Variants in GLDC observed in about 807,000 individuals in gnomAD.
GLDC encodes the protein glycine dehydrogenase (decarboxylating), mitochondrial.
In GLDC, 104 loss-of-function variants were observed where a neutral mutation model predicts 121.3. The observed-to-expected ratio is 0.86, with a 90% CI of 0.73 to 1.01. The LOEUF is 1.01. Among genes scored for constraint, GLDC ranks in the 50% least tolerant of loss-of-function variants. The pLI is 0.00. For synonymous variants in GLDC, 546 were observed against 480.6 expected (o/e 1.14, Z -1.78); for missense variants, 1,429 against 1,306.6 (o/e 1.09, Z -1.44).
chr9:6,613,308 T>G (rs556081099), intron 3 of GLDC, among the ~76,000 whole-genome samples: 29 of 152,282 alleles, frequency 1.9e-4, no homozygotes, highest in Admixed American at 3.3e-4. Flanking sequence ...CCAATCTCTT[T>G]TCTACATCAT....
At chr9:6,535,999 A>G in intron 23 of GLDC, 65 bp downstream of exon 23, 1 of 1,345,038 alleles carries the variant, frequency 7.4e-7, no homozygotes, top group Non-Finnish European at 1.1e-6. Flanking sequence ...AGTTGCTGGT[A>G]CACTGTCCAG....
At chr9:6,568,135 G>T (rs1187792962) in intron 15 of GLDC, among the ~76,000 whole-genome samples, 2 of 152,194 alleles carry the variant, frequency 1.3e-5, no homozygotes, top group African/African-American at 2.4e-5. Flanking sequence ...CTGGCTATGA[G>T]CCAGTAGTGT....
intron 15 of GLDC, among the ~76,000 whole-genome samples, chr9:6,586,490 G>A (rs1229857762): frequency 6.6e-6 from 1 of 152,114 alleles, no homozygotes; most frequent in Non-Finnish European, 1.5e-5. Context: ...AATTGAGGCT[G>A]GAAGAGGAGA....
intron 2 of GLDC, among the ~76,000 whole-genome samples, chr9:6,623,884 G>A (rs1216720076): frequency 2.0e-5 from 3 of 152,288 alleles, no homozygotes; most frequent in South Asian, 2.1e-4. Context: ...TGATTCAGAC[G>A]CCCAGTAGGA....
chr9:6,640,391 C>T (rs894084069), intron 2 of GLDC, among the ~76,000 whole-genome samples: 3 of 152,240 alleles, frequency 2.0e-5, no homozygotes, highest in Non-Finnish European at 4.4e-5. Flanking sequence ...GTCGTGGCCT[C>T]GGCCTGGGGA....
intron 21 of GLDC, among the ~76,000 whole-genome samples, chr9:6,548,935 C>T (rs1254725482): frequency 6.6e-6 from 1 of 152,114 alleles, no homozygotes; most frequent in Non-Finnish European, 1.5e-5. Flanking sequence ...GAAGCAGCCC[C>T]CTCCTCCTTC....
chr9:6,594,748 C>A lies in GLDC; in HGVS notation c.1261+266G>T, dbSNP rs559338670. Among the ~76,000 whole-genome samples, 302 of 139,526 alleles carry A rather than the reference C, an allele frequency of 2.2e-3. 1 individual carries two copies. Among genetic ancestry groups the A allele is most frequent in the African/African-American group, 8.0e-3 (287 of 36,032 alleles). The allele number at this position is 139,526 out of a possible 152,430, so 91.5% of individuals were successfully genotyped here. On this transcript the variant is annotated intron_variant, in intron 9 of 24. Coordinates refer to ENST00000321612, the MANE Select transcript of GLDC (RefSeq NM_000170.3). ...GCAAACAAGAAAGCAAGAAAGCAAG[C>A]AAGCAAGAAAGCAAGCAAGCAAGAA...
At chr9:6,575,633 T>C (rs1436417524) in intron 15 of GLDC, among the ~76,000 whole-genome samples, 1 of 152,228 alleles carries the variant, frequency 6.6e-6, no homozygotes, top group Admixed American at 6.5e-5. Context: ...GCCACCTCCG[T>C]CTACATTAAC....
At position 6,605,258 on chromosome 9, in the gene GLDC, T is replaced by G; in HGVS notation, c.734A>C (p.Glu245Ala). ...GTCCATTTCACAGGGTAACTTCAGC[T>G]CAGTGAGGACTCCAGTATATCTGGA... ...TRAKYTGVLT[E>A]LKLPCEMDFS... The change falls in exon 6 of 25, where the codon GAG (glutamate) becomes GCG (alanine). Residue 245 changes from glutamate to alanine, a missense_variant. Glu to Ala is a moderately radical substitution (Grantham distance 107). Transcript: ENST00000321612. 1.2e-6 allele frequency: 2 copies of G among 1,613,964 alleles called. No homozygotes were observed. Among genetic ancestry groups the G allele is most frequent in the South Asian group, 2.2e-5 (2 of 91,072 alleles).
intron 7 of GLDC, among the ~76,000 whole-genome samples, chr9:6,602,954 A>G (rs1206766313): frequency 1.3e-5 from 2 of 152,166 alleles, no homozygotes; most frequent in Non-Finnish European, 2.9e-5. Context: ...TGAGCCGCGC[A>G]TGGTGGCTCA....
At chr9:6,552,565 A>G (rs1189655504) in intron 20 of GLDC, among the ~76,000 whole-genome samples, 1 of 152,214 alleles carries the variant, frequency 6.6e-6, no homozygotes, top group Non-Finnish European at 1.5e-5. Context: ...TGTTCCAGAA[A>G]TAAACAGTCA....
At chr9:6,538,985 G>A (rs1817196253) in intron 22 of GLDC, among the ~76,000 whole-genome samples, 1 of 152,106 alleles carries the variant, frequency 6.6e-6, no homozygotes, top group African/African-American at 2.4e-5. Context: ...CAAGAGAGGA[G>A]TGAGTCACAC....
Position 6,556,272 on chromosome 9 carries a change from T to C in GLDC, c.2083A>G (p.Ile695Val). Residue 695 changes from isoleucine to valine, a missense_variant, in exon 18 of 25, where the codon ATC (isoleucine) becomes GTC (valine). Coordinates refer to ENST00000321612, the MANE Select transcript of GLDC (RefSeq NM_000170.3). ...VDKHKENLAA[I>V]MITYPSTNGV... ...TTGGTGGATGGGTATGTAATCATGA[T>C]AGCTGCTAGGTTCTCCTTGTGCTTA... The C allele has an allele frequency of 1.2e-6, 2 of 1,613,646 alleles. No individual in the cohort carries two copies. The highest frequency in any genetic ancestry group is 1.7e-6 in the Non-Finnish European group (2 of 1,179,550).
Position 6,598,712 on chromosome 9 carries a change from A to C in GLDC, c.1155+3397T>G, listed in dbSNP as rs563938538. Among the ~76,000 whole-genome samples the C allele has an allele frequency of 2.0e-5, 3 of 152,374 alleles. No individual in the cohort carries two copies. In the South Asian group the frequency reaches 6.2e-4, roughly 32 times the overall value. Reference sequence around the variant, plus strand: ...ACTATGAAAAGGCACATATGCAGTGAAATAGACAGTGAAGAGTTAGAAGAT... The same window carrying C: ...ACTATGAAAAGGCACATATGCAGTGCAATAGACAGTGAAGAGTTAGAAGAT... On this transcript the variant is annotated intron_variant, in intron 8 of 24. Coordinates refer to ENST00000321612, the MANE Select transcript of GLDC (RefSeq NM_000170.3).
chr9:6,631,013 T>C (rs765669665), intron 2 of GLDC, among the ~76,000 whole-genome samples: 6 of 152,066 alleles, frequency 3.9e-5, no homozygotes, highest in Non-Finnish European at 8.8e-5. Flanking sequence ...GCCAAGCCAA[T>C]CCATACGCTA....
intron 3 of GLDC, among the ~76,000 whole-genome samples, chr9:6,612,616 G>A (rs1818881675): frequency 6.6e-6 from 1 of 152,012 alleles, no homozygotes; most frequent in Non-Finnish European, 1.5e-5. Context: ...AGTAATCCCA[G>A]CACGTTGGGA....
intron 9 of GLDC, among the ~76,000 whole-genome samples, chr9:6,593,843 C>T (rs1262480631): frequency 6.6e-6 from 1 of 151,852 alleles, no homozygotes; most frequent in Non-Finnish European, 1.5e-5. Context: ...CAGGAGTATG[C>T]CACCACTCCC....
At chr9:6,633,226 T>C (rs1374599410) in intron 2 of GLDC, among the ~76,000 whole-genome samples, 1 of 152,152 alleles carries the variant, frequency 6.6e-6, no homozygotes, top group African/African-American at 2.4e-5. Context: ...CCTGAAAATA[T>C]ATCCTTCTGC....
intron 2 of GLDC, chr9:6,623,032 G>A (rs1441848722): frequency 3.8e-5 from 7 of 183,284 alleles, no homozygotes; most frequent in Admixed American, 2.6e-4. Context: ...CCCTGTCTGG[G>A]AGGTGAGGGG....
Sources: gnomAD v4.1 joint callset for allele counts (sites outside exome capture counted in the v4.1 genomes callset) on GRCh38, gnomAD v4.1.1 for gene constraint, MANE v1.5 for transcripts, NCBI Gene and HGNC (gene_info 2026-07-23, HGNC 2026-07-21) for gene names.